Variants in GRM7 observed in about 807,000 individuals in gnomAD.
GRM7 encodes the protein metabotropic glutamate receptor 7.
Under a neutral mutation model 84.5 loss-of-function variants are expected in GRM7, and 35 were observed. The ratio of observed to expected loss-of-function variants is 0.41; its 90% CI spans 0.32 to 0.55. The LOEUF (loss-of-function observed/expected upper bound fraction) is 0.55, where lower values mean the gene tolerates loss of function less well. Ranked by LOEUF, GRM7 falls within the 20% of genes least tolerant of loss-of-function variation. The pLI is 0.19. For synonymous variants in GRM7, 487 were observed against 455.1 expected (o/e 1.07, Z -0.89); for missense variants, 1,003 against 1,194.6 (o/e 0.84, Z 2.36).
At chr3:6,908,146 T>A (rs1027250062) in intron 1 of GRM7, among the ~76,000 whole-genome samples, 1 of 152,172 alleles carries the variant, frequency 6.6e-6, no homozygotes, top group East Asian at 1.9e-4. Context: ...CTTGAGAAAG[T>A]GGAAAGAATG....
At chr3:7,244,177 T>C (rs1697668062) in intron 2 of GRM7, among the ~76,000 whole-genome samples, 1 of 152,148 alleles carries the variant, frequency 6.6e-6, no homozygotes, top group Non-Finnish European at 1.5e-5. Flanking sequence ...ACAGTAACTT[T>C]TTTATTTTAT....
intron 4 of GRM7, among the ~76,000 whole-genome samples, chr3:7,387,895 A>T (rs1454538735): frequency 2.0e-5 from 3 of 152,170 alleles, no homozygotes; most frequent in Non-Finnish European, 4.4e-5. Context: ...GGAGATTTTA[A>T]CAATATTGAT....
chr3:6,870,442 G>A (rs1695084972), intron 1 of GRM7, among the ~76,000 whole-genome samples: 2 of 152,190 alleles, frequency 1.3e-5, no homozygotes. Context: ...AGTCAATGAG[G>A]AGGAAGGAAC....
At chr3:7,691,272 T>G (rs1700790929) in intron 9 of GRM7, 3 of 1,287,870 alleles carry the variant, frequency 2.3e-6, no homozygotes, top group Non-Finnish European at 3.0e-6. Flanking sequence ...AGCTTGTTCT[T>G]CTTGAGCTGA....
At chr3:7,104,680 C>T (rs1699235983) in intron 1 of GRM7, among the ~76,000 whole-genome samples, 1 of 151,530 alleles carries the variant, frequency 6.6e-6, no homozygotes, top group South Asian at 2.1e-4. Context: ...TAGCTGTTAC[C>T]ATCATTATCA....
intron 1 of GRM7, among the ~76,000 whole-genome samples, chr3:6,982,632 G>A (rs1005833705): frequency 6.6e-6 from 1 of 151,650 alleles, no homozygotes; most frequent in African/African-American, 2.4e-5. Context: ...AAACCTTTAT[G>A]TTATTACTTT....
intron 7 of GRM7, among the ~76,000 whole-genome samples, chr3:7,577,358 C>A (rs2125051567): frequency 6.6e-6 from 1 of 152,318 alleles, no homozygotes; most frequent in African/African-American, 2.4e-5. Context: ...GATGCACTCT[C>A]AATTTTGAGA....
chr3:7,287,783 C>G (rs552396936), intron 2 of GRM7, among the ~76,000 whole-genome samples: 1 of 152,206 alleles, frequency 6.6e-6, no homozygotes, highest in Admixed American at 6.5e-5. Flanking sequence ...TAGGTGTACT[C>G]TTTCAAGTCT....
intron 2 of GRM7, among the ~76,000 whole-genome samples, chr3:7,263,557 C>T (rs1698519591): frequency 6.6e-6 from 1 of 152,180 alleles, no homozygotes; most frequent in African/African-American, 2.4e-5. Flanking sequence ...CTCCACCTCA[C>T]CAGCTACTGT....
At chr3:7,406,189 C>T (rs1273340609) in intron 4 of GRM7, among the ~76,000 whole-genome samples, 1 of 151,980 alleles carries the variant, frequency 6.6e-6, no homozygotes, top group African/African-American at 2.4e-5. Flanking sequence ...AAATGATTAT[C>T]TTTAATAACT....
intron 8 of GRM7, among the ~76,000 whole-genome samples, chr3:7,653,444 C>T (rs1425823704): frequency 1.3e-5 from 2 of 152,084 alleles, no homozygotes; most frequent in African/African-American, 4.8e-5. Flanking sequence ...CATTGGATTT[C>T]TCTGAGGAAG....
intron 1 of GRM7, among the ~76,000 whole-genome samples, chr3:6,864,526 C>T (rs552075576): frequency 7.9e-5 from 12 of 152,084 alleles, no homozygotes; most frequent in African/African-American, 1.9e-4. Context: ...TGAATCTTGT[C>T]GGGGATTTCT....
In GRM7 at chr3:7,709,846, G is replaced by A. The variant is rs187548440; in HGVS notation, c.2698+29551G>A. On this transcript the variant is annotated intron_variant, in intron 9 of 9. Coordinates refer to ENST00000357716, the MANE Select transcript of GRM7 (RefSeq NM_000844.4). ...TTACAGGAAGCTGCCTTCCACAGAA[G>A]ACAATGAGTGCCAGTGGAGACAGAT... 5.3e-5 allele frequency among the ~76,000 whole-genome samples: 8 copies of A among 152,196 alleles called. No homozygotes were observed. In the East Asian group the frequency reaches 1.6e-3, roughly 30 times the overall value.
In GRM7 at chr3:7,159,880, A is replaced by T. The variant is rs943056195; in HGVS notation, c.736+13212A>T. Reference sequence around the variant, plus strand: ...GTTCAAAATCAGTGGTGACATGAGGACTTATTTATTTAAAGTGCTTAAGCT... The same window carrying T: ...GTTCAAAATCAGTGGTGACATGAGGTCTTATTTATTTAAAGTGCTTAAGCT... On this transcript the variant is annotated intron_variant, in intron 2 of 9. Coordinates refer to ENST00000357716, the MANE Select transcript of GRM7 (RefSeq NM_000844.4). Among the ~76,000 whole-genome samples the T allele has an allele frequency of 2.2e-4, 34 of 152,262 alleles. 3 individuals carry two copies. The highest frequency in any genetic ancestry group is 1.3e-3 in the Admixed American group (20 of 15,282).
rs34723690 is a variant in GRM7 at position 6,876,599 on chromosome 3, A to ATTTTTT, written c.519+14707_519+14712dup. ...GATAAGTCAGAGGTTTTTACCACTA[A>ATTTTTT]TTTTTTTTTTTTTTTTTTTTGAGAA... On this transcript the variant is annotated intron_variant, in intron 1 of 9. Coordinates refer to ENST00000357716, the MANE Select transcript of GRM7 (RefSeq NM_000844.4). Among the ~76,000 whole-genome samples the ATTTTTT allele has an allele frequency of 4.8e-5, 6 of 124,138 alleles. 1 individual carries two copies. The highest frequency in any genetic ancestry group is 6.2e-5 in the African/African-American group (2 of 32,124). The allele number at this position is 124,138 out of a possible 152,430, so 81.4% of individuals were successfully genotyped here. A position where few individuals can be genotyped will look rare whatever the true frequency, so the allele number is the denominator to read the frequency against.
intron 1 of GRM7, among the ~76,000 whole-genome samples, chr3:7,104,711 C>T (rs17046776): frequency 0.32 from 48,079 of 151,412 alleles, 9,084 homozygotes; most frequent in African/African-American, 0.54. Context: ...TCATCAAGCC[C>T]GGTGAAAACA....
In GRM7 at chr3:6,988,516, C is replaced by G. The variant is rs1694513400; in HGVS notation, c.519+126609C>G. On this transcript the variant is annotated intron_variant, in intron 1 of 9. Transcript: ENST00000357716. ...CATAGTGGCAGGTCTTAATGTTATC[C>G]TTGTGATTACTAACACTGCAAGTTG... Among the ~76,000 whole-genome samples, 6 of 152,066 alleles carry G rather than the reference C, an allele frequency of 3.9e-5. No homozygotes were observed. In the South Asian group the frequency reaches 1.2e-3, roughly 32 times the overall value.
chr3:7,461,097 C>T (rs1028425657), intron 6 of GRM7, among the ~76,000 whole-genome samples: 13 of 152,122 alleles, frequency 8.5e-5, no homozygotes, highest in African/African-American at 3.1e-4. Flanking sequence ...TAGAAAAGTA[C>T]ATTTAAATAC....
intron 7 of GRM7, among the ~76,000 whole-genome samples, chr3:7,526,226 C>T (rs1481138673): frequency 1.3e-5 from 2 of 152,052 alleles, no homozygotes; most frequent in East Asian, 1.9e-4. Context: ...CTTTTAATAA[C>T]AGCCATTCTG....
Sources: gnomAD v4.1 joint callset for allele counts (sites outside exome capture counted in the v4.1 genomes callset) on GRCh38, gnomAD v4.1.1 for gene constraint, MANE v1.5 for transcripts, NCBI Gene and HGNC (gene_info 2026-07-23, HGNC 2026-07-21) for gene names.